The following PRMT9 variants were observed in gnomAD, a reference collection of about 807,000 sequenced individuals.
The protein encoded by PRMT9 is protein arginine N-methyltransferase 9.
Under a neutral mutation model 83.2 loss-of-function variants are expected in PRMT9, and 59 were observed. The ratio of observed to expected loss-of-function variants is 0.71; its 90% CI spans 0.57 to 0.88. PRMT9 has a LOEUF of 0.88. PRMT9 is among the 40% of genes least tolerant of loss of function. The pLI is 0.00. For missense variants in PRMT9, 947 were observed against 1,021.9 expected (o/e 0.93, Z 1.00); for synonymous variants, 333 against 353.2 (o/e 0.94, Z 0.64).
chr4:147,659,753 A>AT (rs780270733), intron 7 of PRMT9, among the ~76,000 whole-genome samples: 187 of 151,422 alleles, frequency 1.2e-3, no homozygotes, highest in Non-Finnish European at 2.4e-3. Context: ...AATTTTTTGT[A>AT]TTTTTTTAGT....
chr4:147,658,018 A>C, intron 7 of PRMT9, 43 bp from the exon 8 acceptor site: 1 of 1,298,830 alleles, frequency 7.7e-7, no homozygotes, highest in Non-Finnish European at 1.1e-6. Flanking sequence ...TATATATTTC[A>C]TATATACTTG....
chr4:147,673,094 A>T lies in PRMT9; in HGVS notation c.608T>A (p.Val203Glu), dbSNP rs1234602852. ...MFAKKAGAHSVYACELSKTMY... is the reference protein window; with the variant it reads ...MFAKKAGAHSEYACELSKTMY... ...GGTCTTGGATAACTCACAGGCATAC[A>T]CGGAATGTGCTCCAGCTTTTTTAGC... The change falls in exon 4 of 12, where the codon GTG (valine) becomes GAG (glutamate). Residue 203 changes from valine to glutamate, a missense_variant. Transcript: ENST00000322396. The T allele has an allele frequency of 6.2e-7, 1 of 1,614,066 alleles. No homozygotes were observed. Among genetic ancestry groups the T allele is most frequent in the Admixed American group, 1.7e-5 (1 of 60,024 alleles).
chr4:147,638,212 A>G lies in PRMT9; in HGVS notation c.*320T>C. ...TTTAAGAAAAAAGGCCAAGATGCCT[A>G]CAAAAGTAAAGTTTTGCTTTACTTA... On this transcript the variant is annotated 3_prime_UTR_variant, in exon 12 of 12. Transcript: ENST00000322396. 1 of 306,290 alleles carries G rather than the reference A, an allele frequency of 3.3e-6. No individual in the cohort carries two copies. The highest frequency in any genetic ancestry group is 6.2e-6 in the Non-Finnish European group (1 of 161,288). The allele number at this position is 306,290 out of a possible 1,614,324, so 19.0% of individuals were successfully genotyped here.
At position 147,673,642 on chromosome 4, in the gene PRMT9, G is replaced by A. The variant is rs1385929160; in HGVS notation, c.571C>T (p.Leu191=). ...TAAAATGCAATTACTACCAACCTTA[G>A]TATTCCAGTTCCTGCTCCAATGTCC... The part of the protein sequence containing the change: ...VLDIGAGTGI[L]SMFAKKAGAH... Residue 191 remains leucine (L), a synonymous_variant, in exon 3 of 12, where the codon CTA becomes TTA. Coordinates refer to ENST00000322396, the MANE Select transcript of PRMT9 (RefSeq NM_138364.4). 1.9e-6 allele frequency: 3 copies of A among 1,584,170 alleles called. No individual in the cohort carries two copies. Among genetic ancestry groups the A allele is most frequent in the African/African-American group, 2.7e-5 (2 of 74,376 alleles).
At chr4:147,681,504 T>C (rs1486731684) in intron 1 of PRMT9, among the ~76,000 whole-genome samples, 6 of 152,172 alleles carry the variant, frequency 3.9e-5, no homozygotes, top group Non-Finnish European at 8.8e-5. Context: ...AAGGAGATTC[T>C]GGCCGGGCAC....
chr4:147,664,775 C>A (rs997285213), intron 6 of PRMT9, among the ~76,000 whole-genome samples: 2 of 152,016 alleles, frequency 1.3e-5, no homozygotes, highest in African/African-American at 4.8e-5. Flanking sequence ...GCATGTTCTG[C>A]ACATGTATCC....
chr4:147,638,545 G>A lies in PRMT9; in HGVS notation c.2525C>T (p.Thr842Ile), dbSNP rs140168370. 3.5e-5 allele frequency: 56 copies of A among 1,613,258 alleles called. No homozygotes were observed. In the African/African-American group the frequency reaches 6.0e-4, roughly 17 times the overall value. The change falls in exon 12 of 12, where the codon ACA (threonine) becomes ATA (isoleucine). Residue 842 changes from threonine to isoleucine, a missense_variant. By Grantham distance (89) the Thr-to-Ile change is moderately conservative. Coordinates refer to ENST00000322396, the MANE Select transcript of PRMT9 (RefSeq NM_138364.4). Reference sequence around the variant, plus strand: ...GAAAACTGCTCTTCATTGCTTTACTGTGATGCTGACATTGCTTTTGTGATG... The same window carrying A: ...GAAAACTGCTCTTCATTGCTTTACTATGATGCTGACATTGCTTTTGTGATG... ...IQHHKSNVSI[T>I]VKQ
Position 147,654,398 on chromosome 4 carries a change from CA to C in PRMT9, c.1498del (p.Cys500ValfsTer15). 6.2e-7 allele frequency: 1 copy of C among 1,614,180 alleles called. No individual in the cohort carries two copies. The highest frequency in any genetic ancestry group is 8.5e-7 in the Non-Finnish European group (1 of 1,180,026). ...LLSLGNEAEL[C>X]SALANLQTSK... ...GGTCTGAAGGTTAGCGAGGGCACTA[CA>C]AAGTTCAGCCTCATTTCCTAACGAT... On this transcript the variant is annotated frameshift_variant, in exon 9 of 12. Coordinates refer to ENST00000322396, the MANE Select transcript of PRMT9 (RefSeq NM_138364.4). LOFTEE classifies it high-confidence loss of function.
At chr4:147,653,528 G>A (rs937788163) in intron 9 of PRMT9, among the ~76,000 whole-genome samples, 16 of 151,766 alleles carry the variant, frequency 1.1e-4, no homozygotes, top group African/African-American at 3.9e-4. Context: ...GAGTCCCTTG[G>A]AGAAAGACTA....
chr4:147,675,738 T>C (rs1736026513), intron 2 of PRMT9, among the ~76,000 whole-genome samples: 1 of 152,210 alleles, frequency 6.6e-6, no homozygotes, highest in Non-Finnish European at 1.5e-5. Flanking sequence ...ATACAACGTA[T>C]CAGTGAAACA....
intron 10 of PRMT9, among the ~76,000 whole-genome samples, chr4:147,640,265 T>C (rs1269244322): frequency 6.6e-6 from 1 of 151,222 alleles, no homozygotes; most frequent in Non-Finnish European, 1.5e-5. Context: ...TAGAGATGGG[T>C]TTTTGCCATG....
chr4:147,647,523 T>C (rs1733805160), intron 9 of PRMT9, among the ~76,000 whole-genome samples: 1 of 151,866 alleles, frequency 6.6e-6, no homozygotes, highest in African/African-American at 2.4e-5. Flanking sequence ...AATTACACTT[T>C]TCTTTTTTTT....
At chr4:147,671,194 A>G (rs1735706935) in intron 4 of PRMT9, among the ~76,000 whole-genome samples, 1 of 152,186 alleles carries the variant, frequency 6.6e-6, no homozygotes, top group South Asian at 2.1e-4. Context: ...TTTCTCAGTT[A>G]TCATTTTTTT....
chr4:147,645,621 A>C (rs925446325), intron 9 of PRMT9, among the ~76,000 whole-genome samples: 2 of 152,184 alleles, frequency 1.3e-5, no homozygotes, highest in African/African-American at 4.8e-5. Flanking sequence ...CTAAACAATA[A>C]TCTAGTGTTC....
intron 9 of PRMT9, 65 bp downstream of exon 9, chr4:147,653,787 G>A: frequency 9.0e-7 from 1 of 1,116,652 alleles, no homozygotes; most frequent in African/African-American, 1.6e-5. Flanking sequence ...AAGAACTTAA[G>A]GAATTTACAT....
At chr4:147,659,616 T>C (rs1734807269) in intron 7 of PRMT9, among the ~76,000 whole-genome samples, 1 of 148,550 alleles carries the variant, frequency 6.7e-6, no homozygotes, top group Non-Finnish European at 1.5e-5. Flanking sequence ...TTCGCTCTTG[T>C]TGCTCAGGCT....
intron 7 of PRMT9, among the ~76,000 whole-genome samples, chr4:147,658,885 G>A (rs1039319705): frequency 2.0e-5 from 3 of 151,960 alleles, no homozygotes; most frequent in African/African-American, 7.2e-5. Context: ...GATCATTGAG[G>A]TCAAGAGTTT....
chr4:147,677,540 A>C (rs909913708), intron 2 of PRMT9, among the ~76,000 whole-genome samples: 1 of 133,578 alleles, frequency 7.5e-6, no homozygotes. Flanking sequence ...TGCAACCTCC[A>C]CCTTTCAGGT....
intron 2 of PRMT9, among the ~76,000 whole-genome samples, chr4:147,675,011 G>A (rs534146726): frequency 1.1e-4 from 16 of 151,928 alleles, no homozygotes; most frequent in African/African-American, 2.7e-4. Flanking sequence ...ACAGAGTTTC[G>A]CTTTTGTTGC....
Sources: gnomAD v4.1 joint callset for allele counts (sites outside exome capture counted in the v4.1 genomes callset) on GRCh38, gnomAD v4.1.1 for gene constraint, MANE v1.5 for transcripts, NCBI Gene and HGNC (gene_info 2026-07-23, HGNC 2026-07-21) for gene names.